The following ANXA8 variants were observed in gnomAD, a reference collection of about 807,000 sequenced individuals.
ANXA8 encodes the protein VAC-beta.
In ANXA8, 9 loss-of-function variants were observed where a neutral mutation model predicts 26.8. The ratio of observed to expected loss-of-function variants is 0.34; its 90% CI spans 0.20 to 0.59. The LOEUF (loss-of-function observed/expected upper bound fraction) is 0.59. Ranked by LOEUF, ANXA8 falls within the 20% of genes least tolerant of loss-of-function variation. ANXA8 has a pLI of 0.84. For missense variants in ANXA8, 83 were observed against 238.5 expected (o/e 0.35, Z 4.29); for synonymous variants, 39 against 94.8 (o/e 0.41, Z 3.42).
chr10:47,645,809 A>G, the ANXA8 span, among the ~76,000 whole-genome samples: 1 of 149,930 alleles, frequency 6.7e-6, no homozygotes, highest in Non-Finnish European at 1.5e-5. Flanking sequence ...GAGCCCAAAT[A>G]AAACAAAAAG....
At chr10:47,497,118 C>G in the ANXA8 span, among the ~76,000 whole-genome samples, 227 of 126,854 alleles carry the variant, frequency 1.8e-3, no homozygotes, top group Middle Eastern at 0.012. Context: ...GTCAGGAGTT[C>G]AAAACCAGCT....
At chr10:47,986,619 G>C in the ANXA8 span, 2 of 361,468 alleles carry the variant, frequency 5.5e-6, no homozygotes, top group Non-Finnish European at 1.1e-5. Context: ...AACCTGATTG[G>C]AGAAACAGAC....
At chr10:47,587,816 C>T in the ANXA8 span, among the ~76,000 whole-genome samples, 2 of 146,014 alleles carry the variant, frequency 1.4e-5, no homozygotes, top group African/African-American at 5.6e-5. Flanking sequence ...GAAAAGATGC[C>T]GAGTCTAGTG....
chr10:47,565,572 C>T, the ANXA8 span: 3 of 291,688 alleles, frequency 1.0e-5, no homozygotes, highest in East Asian at 6.8e-5. Flanking sequence ...TCGCCCTGCC[C>T]GGACGCCGCG....
chr10:47,737,027 T>C, the ANXA8 span, among the ~76,000 whole-genome samples: 130 of 150,950 alleles, frequency 8.6e-4, 2 homozygotes, highest in East Asian at 0.023. Flanking sequence ...TGCAGTTTGC[T>C]TTTTCATATT....
chr10:47,527,655 T>G, the ANXA8 span, among the ~76,000 whole-genome samples: 147 of 141,036 alleles, frequency 1.0e-3, 6 homozygotes, highest in African/African-American at 3.4e-3. Flanking sequence ...ATTGGGCTTG[T>G]GTGTGTGTGT....
chr10:47,778,906 A>G, the ANXA8 span, among the ~76,000 whole-genome samples: 836 of 130,850 alleles, frequency 6.4e-3, no homozygotes, highest in African/African-American at 0.012. Flanking sequence ...ACATTATGAT[A>G]TGATATGATA....
chr10:47,643,510 C>T, the ANXA8 span, among the ~76,000 whole-genome samples: 2 of 148,298 alleles, frequency 1.3e-5, no homozygotes, highest in East Asian at 1.9e-4. Context: ...AACTCGGTGA[C>T]AGAGCGAGAC....
chr10:47,730,863 T>C, the ANXA8 span, among the ~76,000 whole-genome samples: 1 of 148,916 alleles, frequency 6.7e-6, no homozygotes, highest in Non-Finnish European at 1.5e-5. Context: ...TCCTTGATTA[T>C]AACTATAATG....
At chr10:47,469,613 C>T (rs1244093219) in intron 11 of ANXA8, among the ~76,000 whole-genome samples, 6 of 151,682 alleles carry the variant, frequency 4.0e-5, no homozygotes, top group Admixed American at 1.3e-4. Flanking sequence ...CTGGCTAGTC[C>T]GGGGTCTGCA....
chr10:47,475,175 G>C (rs1447127387), intron 6 of ANXA8, among the ~76,000 whole-genome samples, 171 bp from the exon 7 acceptor site: 1 of 147,728 alleles, frequency 6.8e-6, no homozygotes, highest in Non-Finnish European at 1.5e-5. Context: ...TTGTACAATG[G>C]GGGTGGTAAG....
the ANXA8 span, among the ~76,000 whole-genome samples, chr10:47,735,616 T>C: frequency 2.7e-5 from 4 of 147,744 alleles, no homozygotes; most frequent in South Asian, 6.4e-4. Flanking sequence ...AAGTGATCCA[T>C]CACCTCAGCC....
chr10:47,947,551 A>G, the ANXA8 span, among the ~76,000 whole-genome samples: 5 of 150,242 alleles, frequency 3.3e-5, no homozygotes, highest in African/African-American at 5.0e-5. Flanking sequence ...GCCTGGGGGG[A>G]GATGATTAGA....
chr10:47,976,414 A>G, the ANXA8 span, among the ~76,000 whole-genome samples: 1 of 151,524 alleles, frequency 6.6e-6, no homozygotes, highest in Non-Finnish European at 1.5e-5. Flanking sequence ...AGACTTGAAC[A>G]TAAATGTTCT....
the ANXA8 span, chr10:47,563,507 T>A: frequency 3.9e-5 from 26 of 665,308 alleles, no homozygotes; most frequent in African/African-American, 1.5e-4. Context: ...ATATTTTCAA[T>A]TTGTAGCTTT....
At chr10:47,621,912 G>A in the ANXA8 span, among the ~76,000 whole-genome samples, 1 of 82,268 alleles carries the variant, frequency 1.2e-5, no homozygotes, top group African/African-American at 5.8e-5. Context: ...GTTGTGAGAA[G>A]AAAAAAAAAT....
the ANXA8 span, among the ~76,000 whole-genome samples, chr10:47,593,478 G>C: frequency 6.7e-6 from 1 of 149,790 alleles, no homozygotes; most frequent in Non-Finnish European, 1.5e-5. Context: ...TGTTTCTCAT[G>C]ATTCTCCAGT....
chr10:47,976,494 G>A, the ANXA8 span, among the ~76,000 whole-genome samples: 1 of 151,250 alleles, frequency 6.6e-6, no homozygotes, highest in African/African-American at 2.4e-5. Context: ...GATTGCTTAA[G>A]TCCATGAGTT....
chr10:47,942,813 G>A, the ANXA8 span, among the ~76,000 whole-genome samples: 3 of 145,920 alleles, frequency 2.1e-5, no homozygotes, highest in Non-Finnish European at 4.5e-5. Context: ...GCCTACAGGC[G>A]GCAGGAGGCC....
Sources: gnomAD v4.1 joint callset for allele counts (sites outside exome capture counted in the v4.1 genomes callset) on GRCh38, gnomAD v4.1.1 for gene constraint, MANE v1.5 for transcripts, NCBI Gene and HGNC (gene_info 2026-07-23, HGNC 2026-07-21) for gene names.